The following PDE8A variants were observed in gnomAD, a reference collection of about 807,000 sequenced individuals.
The protein encoded by PDE8A is phosphodiesterase 8A, also known as high affinity cAMP-specific and IBMX-insensitive 3',5'-cyclic phosphodiesterase 8A.
PDE8A carries 59 observed loss-of-function variants against 105.0 expected under a neutral mutation model. The observed-to-expected ratio is 0.56, with a 90% CI of 0.46 to 0.70. The LOEUF is 0.70. PDE8A is among the 30% of genes least tolerant of loss of function. PDE8A has a pLI of 0.00. For synonymous variants in PDE8A, 355 were observed against 371.9 expected (o/e 0.95, Z 0.52); for missense variants, 1,014 against 1,045.9 (o/e 0.97, Z 0.42).
intron 1 of PDE8A, among the ~76,000 whole-genome samples, chr15:85,055,563 A>G (rs969871924): frequency 2.6e-5 from 4 of 152,154 alleles, no homozygotes; most frequent in African/African-American, 9.7e-5. Flanking sequence ...ACCATTATGT[A>G]ATGGCTTTCT....
At chr15:85,107,626 G>A (rs146833791) in intron 11 of PDE8A, among the ~76,000 whole-genome samples, 71 of 152,240 alleles carry the variant, frequency 4.7e-4, no homozygotes, top group African/African-American at 1.6e-3. Context: ...GATGACTTCT[G>A]TCTACCTTAT....
At chr15:85,040,585 G>T (rs1321792367) in intron 1 of PDE8A, among the ~76,000 whole-genome samples, 1 of 140,044 alleles carries the variant, frequency 7.1e-6, no homozygotes, top group Non-Finnish European at 1.5e-5. Flanking sequence ...TTTTGAGACG[G>T]AGTCTGGGTC....
chr15:85,103,704 A>G lies in PDE8A; in HGVS notation c.1036+3506A>G, dbSNP rs574975172. On this transcript the variant is annotated intron_variant, in intron 11 of 21. Coordinates refer to ENST00000394553, the MANE Select transcript of PDE8A (RefSeq NM_002605.3). ...GCTGAGCAATTGTCCCCACTGCCGT[A>G]GGCATGCCATAGGAGCACTGTGCTT... is the stretch of plus-strand genomic sequence containing the variant. Among the ~76,000 whole-genome samples the G allele has an allele frequency of 2.6e-5, 4 of 152,364 alleles. No homozygotes were observed. The South Asian group carries it at 8.3e-4, about 32-fold the overall frequency.
At position 85,075,942 on chromosome 15, in the gene PDE8A, T is replaced by C. The variant is rs748779491; in HGVS notation, c.491+24T>C. On this transcript the variant is annotated intron_variant, in intron 4 of 21. Coordinates refer to ENST00000394553, the MANE Select transcript of PDE8A (RefSeq NM_002605.3). Reference sequence around the variant, plus strand: ...AGGTAAACTTTCATTTTTTTAATGTTGAAATTGAGGTACCAGTGTAATACT... The same window carrying C: ...AGGTAAACTTTCATTTTTTTAATGTCGAAATTGAGGTACCAGTGTAATACT... The C allele has an allele frequency of 3.7e-6, 5 of 1,348,306 alleles. No individual in the cohort carries two copies. The Admixed American group carries it at 7.1e-5, about 19-fold the overall frequency. The allele number at this position is 1,348,306 out of a possible 1,614,324, so 83.5% of individuals were successfully genotyped here. A position where few individuals can be genotyped will look rare whatever the true frequency, so the allele number is the denominator to read the frequency against.
chr15:84,995,264 G>C (rs1385808267), intron 1 of PDE8A, among the ~76,000 whole-genome samples: 1 of 151,152 alleles, frequency 6.6e-6, no homozygotes, highest in Non-Finnish European at 1.5e-5. Context: ...TCTTACCACA[G>C]ATTAGTTTTG....
intron 1 of PDE8A, among the ~76,000 whole-genome samples, chr15:84,999,909 C>T (rs2080040987): frequency 6.6e-6 from 1 of 152,246 alleles, no homozygotes; most frequent in South Asian, 2.1e-4. Context: ...CACAAGACCA[C>T]AGGCTTGCCT....
At chr15:85,087,247 G>T (rs2081569494) in intron 6 of PDE8A, among the ~76,000 whole-genome samples, 1 of 151,926 alleles carries the variant, frequency 6.6e-6, no homozygotes, top group African/African-American at 2.4e-5. Flanking sequence ...CTGTTGCCTG[G>T]GCTGGAGTGC....
chr15:85,107,272 A>G (rs2141584845), intron 11 of PDE8A, among the ~76,000 whole-genome samples: 1 of 152,338 alleles, frequency 6.6e-6, no homozygotes, highest in East Asian at 1.9e-4. Context: ...AAATAGTTCA[A>G]GGTGGATAGA....
intron 1 of PDE8A, among the ~76,000 whole-genome samples, chr15:85,003,532 G>C (rs1325186701): frequency 1.3e-5 from 2 of 152,160 alleles, no homozygotes; most frequent in Non-Finnish European, 2.9e-5. Flanking sequence ...CAGAACAATA[G>C]CTGTCCCTGC....
chr15:85,092,933 T>G (rs1257704039), intron 8 of PDE8A, among the ~76,000 whole-genome samples: 1 of 151,810 alleles, frequency 6.6e-6, no homozygotes, highest in Non-Finnish European at 1.5e-5. Flanking sequence ...TTTTTTTTTT[T>G]TTTCTTGAGA....
chr15:84,996,179 T>A (rs1188471579), intron 1 of PDE8A, among the ~76,000 whole-genome samples: 4 of 136,082 alleles, frequency 2.9e-5, no homozygotes, highest in South Asian at 2.1e-4. Context: ...GTTTTTAAAA[T>A]TTTTTTTAAT....
intron 8 of PDE8A, among the ~76,000 whole-genome samples, chr15:85,093,883 A>G (rs908501066): frequency 1.3e-5 from 2 of 150,450 alleles, no homozygotes; most frequent in African/African-American, 4.9e-5. Flanking sequence ...TTCTTGAGAC[A>G]TGGACTTGAT....
intron 1 of PDE8A, among the ~76,000 whole-genome samples, chr15:85,043,151 GA>G (rs971311748): frequency 2.7e-4 from 41 of 152,178 alleles, no homozygotes; most frequent in African/African-American, 9.7e-4. Context: ...AAATATTCCT[GA>G]AATAGATTCA....
At chr15:85,032,767 C>T (rs1006805993) in intron 1 of PDE8A, among the ~76,000 whole-genome samples, 1 of 152,038 alleles carries the variant, frequency 6.6e-6, no homozygotes, top group African/African-American at 2.4e-5. Context: ...AATTTAAATG[C>T]ATTTTAAAAA....
In PDE8A at chr15:85,120,817, T is replaced by C; in HGVS notation, c.1755T>C (p.Asp585=). ...TTCAGGAAACTTTAGATCCAATTGATGAGGTCGCTGCACTCATCGCAGCCA... is the reference window on the plus strand; with the variant it reads ...TTCAGGAAACTTTAGATCCAATTGACGAGGTCGCTGCACTCATCGCAGCCA... ...ERIKETLDPI[D]EVAALIAATI... is the part of the protein sequence containing the mutation. Residue 585 remains aspartate, a synonymous_variant, in exon 18 of 22, where the codon GAT becomes GAC. Coordinates refer to ENST00000394553, the MANE Select transcript of PDE8A (RefSeq NM_002605.3). 6.2e-7 allele frequency: 1 copy of C among 1,607,986 alleles called. No individual in the cohort carries two copies. Among genetic ancestry groups the C allele is most frequent in the Non-Finnish European group, 8.5e-7 (1 of 1,177,254 alleles).
At position 85,006,395 on chromosome 15, in the gene PDE8A, A is replaced by G. The variant is rs1249769774; in HGVS notation, c.186+24047A>G. Among the ~76,000 whole-genome samples the G allele has an allele frequency of 2.6e-5, 4 of 152,206 alleles. No homozygotes were observed. In the East Asian group the frequency reaches 7.7e-4, roughly 29 times the overall value. On this transcript the variant is annotated intron_variant, in intron 1 of 21. Coordinates refer to ENST00000394553, the MANE Select transcript of PDE8A (RefSeq NM_002605.3). The stretch of plus-strand genomic sequence containing the variant: ...GCAAGCTGAGGGCAGGATGCCATAC[A>G]CAGATTCCAGGTGGGGCTAAAGTAC...
intron 11 of PDE8A, among the ~76,000 whole-genome samples, chr15:85,104,224 A>G (rs950946180): frequency 2.6e-5 from 4 of 152,154 alleles, no homozygotes; most frequent in Non-Finnish European, 5.9e-5. Flanking sequence ...AATAATTTGA[A>G]TATGCTGTGG....
intron 1 of PDE8A, among the ~76,000 whole-genome samples, chr15:85,035,110 A>G (rs1382740570): frequency 6.6e-6 from 1 of 151,116 alleles, no homozygotes; most frequent in African/African-American, 2.4e-5. Context: ...CTTATATTCC[A>G]CTAATATGTT....
rs980715953 is a variant in PDE8A at position 85,120,932 on chromosome 15, G to A, written c.1870G>A (p.Val624Met). The A allele has an allele frequency of 1.2e-6, 2 of 1,613,998 alleles. No individual in the cohort carries two copies. The highest frequency in any genetic ancestry group is 1.3e-5 in the African/African-American group (1 of 74,938). ...GGCCATTTTGTACAATGACACTGCTGTGCTGGAGAGCCACCATGCGGCCTT... is the reference window on the plus strand; with the variant it reads ...GGCCATTTTGTACAATGACACTGCTATGCTGGAGAGCCACCATGCGGCCTT... ...ELAILYNDTA[V>M]LESHHAALAF... Residue 624 changes from valine to methionine, a missense_variant, in exon 18 of 22, where the codon GTG becomes ATG. Val to Met is a conservative substitution (Grantham distance 21). Transcript: ENST00000394553.
Sources: gnomAD v4.1 joint callset for allele counts (sites outside exome capture counted in the v4.1 genomes callset) on GRCh38, gnomAD v4.1.1 for gene constraint, MANE v1.5 for transcripts, NCBI Gene and HGNC (gene_info 2026-07-23, HGNC 2026-07-21) for gene names.